RBL2: variants seen among roughly 807,000 people sequenced by gnomAD.
RBL2 encodes RB transcriptional corepressor like 2.
Under a neutral mutation model 126.0 loss-of-function variants are expected in RBL2, and 56 were observed. The observed-to-expected ratio is 0.44, with a 90% CI of 0.36 to 0.56. The LOEUF (loss-of-function observed/expected upper bound fraction) is 0.56, where lower values mean the gene tolerates loss of function less well. RBL2 is among the 20% of genes least tolerant of loss of function. The pLI, the probability that RBL2 is intolerant of heterozygous loss-of-function variation, is 0.00. For synonymous variants in RBL2, 454 were observed against 478.5 expected, an observed-to-expected ratio of 0.95 and a Z score of 0.67; for missense variants, 1,229 against 1,398.2, an observed-to-expected ratio of 0.88 and a Z score of 1.93.
chr16:53,464,152 C>T (rs947853056), intron 11 of RBL2, 74 bp from the exon 12 acceptor site: 14 of 1,240,944 alleles, frequency 1.1e-5, no homozygotes, highest in African/African-American at 1.6e-5. Flanking sequence ...GGTATTTTCA[C>T]TTAAGTTCAC....
chr16:53,434,916 G>C, intron 1 of RBL2, 120 bp downstream of exon 1: 1 of 1,350,962 alleles, frequency 7.4e-7, no homozygotes, highest in Non-Finnish European at 9.6e-7. Flanking sequence ...CCCGAGAGGG[G>C]TGGGGACTTC....
At chr16:53,469,412 AAGAC>A (rs71815783) in intron 14 of RBL2, among the ~76,000 whole-genome samples, 7,914 of 152,206 alleles carry the variant, frequency 0.052, 612 homozygotes, top group African/African-American at 0.17. Flanking sequence ...TATGTGGAAA[AAGAC>A]AGAGATCAAA....
In RBL2 at chr16:53,444,755, G is replaced by A. The variant is rs575411665; in HGVS notation, c.572+1897G>A. ...CCCAGCTACTTGAGAGGCTGAGGCA[G>A]GTGAATCACTTGAACCCAGGAGTCG... On this transcript the variant is annotated intron_variant, in intron 3 of 21. Coordinates refer to ENST00000262133, the MANE Select transcript of RBL2 (RefSeq NM_005611.4). Among the ~76,000 whole-genome samples the A allele has an allele frequency of 1.7e-3, 260 of 151,838 alleles. 2 individuals are homozygous for A. The highest frequency in any genetic ancestry group is 3.0e-3 in the Non-Finnish European group (203 of 68,000).
chr16:53,453,657 A>G, intron 6 of RBL2, 45 bp downstream of exon 6: 1 of 1,603,460 alleles, frequency 6.2e-7, no homozygotes, highest in South Asian at 1.1e-5. Flanking sequence ...TTTCTGGAGA[A>G]AAACTTGATT....
In RBL2 at chr16:53,486,816, T is replaced by A. The variant is rs369522677; in HGVS notation, c.3250-3314T>A. 3.9e-5 allele frequency among the ~76,000 whole-genome samples: 6 copies of A among 152,238 alleles called. No homozygotes were observed. The East Asian group carries it at 9.6e-4, about 24-fold the overall frequency. On this transcript the variant is annotated intron_variant, in intron 21 of 21. Coordinates refer to ENST00000262133, the MANE Select transcript of RBL2 (RefSeq NM_005611.4). ...AGCCATACAGCCTGGATTGTCTACATAGGAAAATCACAAAGAATCCACAAA... is the reference window on the plus strand; with the variant it reads ...AGCCATACAGCCTGGATTGTCTACAAAGGAAAATCACAAAGAATCCACAAA...
intron 13 of RBL2, 70 bp downstream of exon 13, chr16:53,465,672 G>A: frequency 3.9e-6 from 5 of 1,274,072 alleles, no homozygotes; most frequent in Non-Finnish European, 4.2e-6. Flanking sequence ...TCCTTTTGGG[G>A]ATGGGAGGGT....
intron 2 of RBL2, among the ~76,000 whole-genome samples, chr16:53,440,953 CTT>C (rs1178378934): frequency 4.2e-5 from 3 of 71,670 alleles, no homozygotes; most frequent in African/African-American, 1.8e-4. Context: ...TTTTTCAGTT[CTT>C]TTTTTTTTTT....
rs199639599 is a variant in RBL2 at position 53,470,731 on chromosome 16, G to C, written c.2527-15G>C. 1.7e-5 allele frequency: 27 copies of C among 1,612,858 alleles called. No homozygotes were observed. In the East Asian group the frequency reaches 5.6e-4, roughly 33 times the overall value. On this transcript the variant is annotated splice_polypyrimidine_tract_variant and intron_variant, in intron 16 of 21. Coordinates refer to ENST00000262133, the MANE Select transcript of RBL2 (RefSeq NM_005611.4). ...ACAAGTGTTAAACAAAGTTTGAAAT[G>C]TTTTTATCTCCTAGGTATACCATTT...
chr16:53,447,457 G>A (rs566777274), intron 4 of RBL2, among the ~76,000 whole-genome samples: 226 of 152,064 alleles, frequency 1.5e-3, no homozygotes, highest in Non-Finnish European at 2.7e-3. Context: ...TTAGTTGAGC[G>A]CAATTACTGA....
intron 21 of RBL2, among the ~76,000 whole-genome samples, chr16:53,483,155 A>G (rs1961023400): frequency 1.3e-5 from 2 of 152,178 alleles, no homozygotes; most frequent in South Asian, 4.1e-4. Context: ...TGGTTGCAAT[A>G]TATTTAGGTA....
At chr16:53,480,860 GTATA>G (rs1960918282) in intron 20 of RBL2, 91 bp downstream of exon 20, 2 of 1,297,998 alleles carry the variant, frequency 1.5e-6, no homozygotes, top group Admixed American at 2.0e-5. Context: ...CACCTGGTCC[GTATA>G]TAAACTAGTT....
At chr16:53,475,798 G>T in intron 17 of RBL2, among the ~76,000 whole-genome samples, 1 of 130,480 alleles carries the variant, frequency 7.7e-6, no homozygotes, top group African/African-American at 2.9e-5. Context: ...GTAGATATCA[G>T]TATCTTTTAA....
In RBL2 at chr16:53,453,501, C is replaced by G. The variant is rs202132605; in HGVS notation, c.816C>G (p.Pro272=). The G allele has an allele frequency of 1.2e-6, 2 of 1,613,286 alleles. No homozygotes were observed. Among genetic ancestry groups the G allele is most frequent in the Admixed American group, 1.7e-5 (1 of 60,002 alleles). ...HAKDSKPSSD[P]PCIIEKLCSL... is the part of the protein sequence containing the mutation. ...AAGATTCTAAACCTTCCTCTGACCC[C>G]CCTTGTATCATTGAGAAACTGTGTT... Residue 272 remains proline (P), a synonymous_variant, in exon 6 of 22, where the codon CCC becomes CCG. Coordinates refer to ENST00000262133, the MANE Select transcript of RBL2 (RefSeq NM_005611.4).
In RBL2 at chr16:53,470,416, T is replaced by G. The variant is rs533071876; in HGVS notation, c.2279T>G (p.Phe760Cys). 6.2e-7 allele frequency: 1 copy of G among 1,614,124 alleles called. No homozygotes were observed. The highest frequency in any genetic ancestry group is 1.1e-5 in the South Asian group (1 of 91,078). Reference protein sequence around the residue: ...IANENGGITFFPVQVNVGGQA... With the variant: ...IANENGGITFCPVQVNVGGQA... The stretch of plus-strand genomic sequence containing the variant: ...AATGAAAATGGAGGGATAACATTCT[T>G]CCCTGTCCAAGTCAATGTTGGGGGG... Residue 760 changes from phenylalanine (F) to cysteine (C), a missense_variant, in exon 16 of 22, where the codon TTC (phenylalanine) becomes TGC (cysteine). Physicochemically the swap from Phe to Cys is radical, Grantham distance 205. This residue lies in a region of RBL2 where 1,070 missense variants were observed against 1,274.3 expected (regional missense o/e 0.84). Transcript: ENST00000262133.
intron 8 of RBL2, among the ~76,000 whole-genome samples, chr16:53,457,258 C>CTTTTTTTTTTTTTTTTTTTTTTTTTTT (rs756763534): frequency 1.8e-4 from 16 of 89,936 alleles, no homozygotes; most frequent in African/African-American, 3.6e-4. Context: ...GTACAGATAG[C>CTTTTTTTTTTTTTTTTTTTTTTTTTTT]TTTTTTTTTT....
chr16:53,443,962 T>C (rs1424460663), intron 3 of RBL2, among the ~76,000 whole-genome samples: 1 of 152,158 alleles, frequency 6.6e-6, no homozygotes, highest in African/African-American at 2.4e-5. Flanking sequence ...AAATGAAGCA[T>C]TCTGAGCCAG....
At chr16:53,467,703 A>G (rs940888089) in intron 14 of RBL2, among the ~76,000 whole-genome samples, 2 of 152,234 alleles carry the variant, frequency 1.3e-5, no homozygotes, top group African/African-American at 4.8e-5. Context: ...CTGTATATTT[A>G]ATATGATCCC....
intron 21 of RBL2, among the ~76,000 whole-genome samples, chr16:53,484,809 A>G (rs1961097171): frequency 6.6e-6 from 1 of 152,224 alleles, no homozygotes; most frequent in Admixed American, 6.5e-5. Flanking sequence ...TACACTTCAA[A>G]TGGTTGAATA....
Position 53,479,938 on chromosome 16 carries a change from G to T in RBL2, c.2828G>T (p.Ser943Ile). The change falls in exon 19 of 22, where the codon AGC becomes ATC. Residue 943 changes from serine to isoleucine, a missense_variant. Ser to Ile is a moderately radical substitution (Grantham distance 142). Coordinates refer to ENST00000262133, the MANE Select transcript of RBL2 (RefSeq NM_005611.4). ...AAAAGAAAAAGAAGAAATTCTGGCA[G>T]CAGTGATAGCAGAAGCCATCAGAAT... The part of the protein sequence containing the change: ...KGKRKRRNSG[S>I]SDSRSHQNSP... 2 of 1,612,010 alleles carry T rather than the reference G, an allele frequency of 1.2e-6. No homozygotes were observed. The highest frequency in any genetic ancestry group is 1.7e-6 in the Non-Finnish European group (2 of 1,178,560).
Sources: allele counts gnomAD v4.1 joint callset (sites outside exome capture counted in the v4.1 genomes callset), GRCh38; gene constraint gnomAD v4.1.1; regional missense constraint gnomAD v4.1.1; transcripts MANE v1.5; gene names NCBI Gene and HGNC (gene_info 2026-07-23, HGNC 2026-07-21).